The following DKK2 variants were observed in gnomAD, a reference collection of about 807,000 sequenced individuals.
DKK2 encodes dickkopf-related protein 2.
Under a neutral mutation model 28.1 loss-of-function variants are expected in DKK2, and 11 were observed. That is an observed-to-expected ratio of 0.39 (90% CI 0.25 to 0.65). The LOEUF (loss-of-function observed/expected upper bound fraction) is 0.65, where lower values mean the gene tolerates loss of function less well. DKK2 is among the 30% of genes least tolerant of loss of function. DKK2 has a pLI of 0.47. For synonymous variants in DKK2, 135 were observed against 126.5 expected (o/e 1.07, Z -0.45); for missense variants, 326 against 335.5 (o/e 0.97, Z 0.22).
rs576752506 is a variant in DKK2, at chr4:106,936,382, T to C, written c.223-10433A>G. 4.4e-3 allele frequency among the ~76,000 whole-genome samples: 673 copies of C among 151,902 alleles called. 5 individuals carry two copies. Among genetic ancestry groups the C allele is most frequent in the African/African-American group, 0.016 (649 of 41,404 alleles). ...AAGGTATCAGCGATGGAAGATGAAA[T>C]GAATGAAATGAAGCAAGAAGGGAAG... On this transcript the variant is annotated intron_variant, in intron 1 of 3. Coordinates refer to ENST00000285311, the MANE Select transcript of DKK2 (RefSeq NM_014421.3).
At chr4:107,021,898 G>A (rs1452935648) in intron 1 of DKK2, among the ~76,000 whole-genome samples, 1 of 152,030 alleles carries the variant, frequency 6.6e-6, no homozygotes, top group African/African-American at 2.4e-5. Flanking sequence ...CTACAAGTCA[G>A]CCTGACTGTC....
Position 106,971,491 on chromosome 4 carries a change from G to A in DKK2, c.223-45542C>T, listed in dbSNP as rs1722867827. Reference sequence around the variant, plus strand: ...TGTCTCTAAGATCATCTAAACCAAAGACATGTACACAACTACCTATAATGT... The same window carrying A: ...TGTCTCTAAGATCATCTAAACCAAAAACATGTACACAACTACCTATAATGT... On this transcript the variant is annotated intron_variant, in intron 1 of 3. Transcript: ENST00000285311. Among the ~76,000 whole-genome samples the A allele has an allele frequency of 2.0e-5, 3 of 152,026 alleles. No individual in the cohort carries two copies. The South Asian group carries it at 6.2e-4, about 32-fold the overall frequency.
intron 1 of DKK2, among the ~76,000 whole-genome samples, chr4:107,019,817 T>C (rs571258975): frequency 6.6e-6 from 1 of 152,072 alleles, no homozygotes; most frequent in Non-Finnish European, 1.5e-5. Flanking sequence ...CTATAATGTT[T>C]GCTATTGAAA....
At chr4:106,950,545 C>T (rs933852634) in intron 1 of DKK2, among the ~76,000 whole-genome samples, 7 of 152,018 alleles carry the variant, frequency 4.6e-5, no homozygotes, top group African/African-American at 1.7e-4. Flanking sequence ...ACCCAAGCCC[C>T]TTCTTTCTGC....
rs2110247229 is a variant in DKK2 at position 107,035,654 on chromosome 4, G to A, written c.-63C>T. The A allele has an allele frequency of 6.3e-7, 1 of 1,580,422 alleles. No homozygotes were observed. Among genetic ancestry groups the A allele is most frequent in the East Asian group, 2.2e-5 (1 of 44,614 alleles). On this transcript the variant is annotated 5_prime_UTR_variant, in exon 1 of 4. Coordinates refer to ENST00000285311, the MANE Select transcript of DKK2 (RefSeq NM_014421.3). Reference sequence around the variant, plus strand: ...GGAGGGGTGGGAATGCAAAGGGAGGGAGGACCCCAACACGGGGCCCCTCAC... The same window carrying A: ...GGAGGGGTGGGAATGCAAAGGGAGGAAGGACCCCAACACGGGGCCCCTCAC...
chr4:106,923,982 G>A lies in DKK2; in HGVS notation c.752C>T (p.Ala251Val). 1.2e-6 allele frequency: 2 copies of A among 1,613,906 alleles called. No individual in the cohort carries two copies. The highest frequency in any genetic ancestry group is 1.7e-6 in the Non-Finnish European group (2 of 1,179,872). The change falls in exon 4 of 4, where the codon GCC (alanine) becomes GTC (valine). Residue 251 changes from alanine (A) to valine (V), a missense_variant. By Grantham distance (64) the Ala-to-Val change is moderately conservative. Transcript: ENST00000285311. Reference protein sequence around the residue: ...VWKDATYSSKARLHVCQKI With the variant: ...VWKDATYSSKVRLHVCQKI ...AATTTTCTGACACACATGGAGTCTG[G>A]CTTTGGAGGAGTAGGTGGCATCTTT...
At chr4:107,018,566 C>G (rs766217613) in intron 1 of DKK2, among the ~76,000 whole-genome samples, 14 of 152,148 alleles carry the variant, frequency 9.2e-5, no homozygotes, top group Non-Finnish European at 2.1e-4. Context: ...CAGCCGTTGG[C>G]TTTTCATTCT....
chr4:107,023,122 G>A (rs775549830), intron 1 of DKK2, among the ~76,000 whole-genome samples: 1 of 151,942 alleles, frequency 6.6e-6, no homozygotes, highest in Non-Finnish European at 1.5e-5. Context: ...TGCCACAATA[G>A]TCTCCCTCTT....
At chr4:106,969,914 C>A (rs1394725319) in intron 1 of DKK2, among the ~76,000 whole-genome samples, 1 of 152,056 alleles carries the variant, frequency 6.6e-6, no homozygotes, top group African/African-American at 2.4e-5. Context: ...ACCTGGAGAA[C>A]TACAGACCTG....
At chr4:106,940,972 G>A (rs538911933) in intron 1 of DKK2, among the ~76,000 whole-genome samples, 1 of 152,006 alleles carries the variant, frequency 6.6e-6, no homozygotes, top group Non-Finnish European at 1.5e-5. Flanking sequence ...GTGGGGTGAG[G>A]GGGGAGGGAT....
At chr4:107,032,459 A>T (rs1046651841) in intron 1 of DKK2, among the ~76,000 whole-genome samples, 1 of 152,118 alleles carries the variant, frequency 6.6e-6, no homozygotes, top group Non-Finnish European at 1.5e-5. Flanking sequence ...GGCAACTTTC[A>T]ATAAAACTAT....
At chr4:107,002,151 C>T (rs1406583960) in intron 1 of DKK2, among the ~76,000 whole-genome samples, 1 of 152,174 alleles carries the variant, frequency 6.6e-6, no homozygotes, top group African/African-American at 2.4e-5. Flanking sequence ...TCAAAACCAT[C>T]TGTTAGGGAA....
At chr4:106,957,924 T>C (rs1722621370) in intron 1 of DKK2, among the ~76,000 whole-genome samples, 1 of 150,342 alleles carries the variant, frequency 6.7e-6, no homozygotes, top group South Asian at 2.1e-4. Context: ...ATTAATTAAT[T>C]AATTAATTAA....
intron 1 of DKK2, among the ~76,000 whole-genome samples, chr4:106,939,292 A>G (rs1724652704): frequency 6.6e-6 from 1 of 152,224 alleles, no homozygotes; most frequent in South Asian, 2.1e-4. Context: ...ATGTACAAAA[A>G]TCACAAGCAT....
At chr4:106,957,466 T>C (rs1229038411) in intron 1 of DKK2, among the ~76,000 whole-genome samples, 1 of 151,888 alleles carries the variant, frequency 6.6e-6, no homozygotes, top group African/African-American at 2.4e-5. Flanking sequence ...ATGTTTATTG[T>C]AGCACTATTC....
In DKK2 at chr4:107,022,461, G is replaced by A. The variant is rs907429890; in HGVS notation, c.222+12909C>T. ...GATAGCCTGGCACAGTGATTAAGTA[G>A]GTTAAGTATACAGACTTAAGTAAGA... On this transcript the variant is annotated intron_variant, in intron 1 of 3. Coordinates refer to ENST00000285311, the MANE Select transcript of DKK2 (RefSeq NM_014421.3). Among the ~76,000 whole-genome samples, 5 of 152,118 alleles carry A rather than the reference G, an allele frequency of 3.3e-5. No homozygotes were observed. The South Asian group carries it at 1.0e-3, about 31-fold the overall frequency.
At chr4:106,940,314 G>A (rs62314185) in intron 1 of DKK2, among the ~76,000 whole-genome samples, 5 of 152,022 alleles carry the variant, frequency 3.3e-5, no homozygotes, top group Non-Finnish European at 4.4e-5. Flanking sequence ...GAACAGACAC[G>A]TCTCAAAAGA....
intron 1 of DKK2, among the ~76,000 whole-genome samples, chr4:106,954,273 T>C (rs1169434222): frequency 6.6e-6 from 1 of 152,194 alleles, no homozygotes. Context: ...GCATATGAAC[T>C]TCAAAGTTTT....
At chr4:107,017,972 A>G (rs373516649) in intron 1 of DKK2, among the ~76,000 whole-genome samples, 2 of 152,094 alleles carry the variant, frequency 1.3e-5, no homozygotes, top group Admixed American at 1.3e-4. Context: ...TTTCCCACCA[A>G]GGGATGTTTC....
Sources: allele counts gnomAD v4.1 joint callset (sites outside exome capture counted in the v4.1 genomes callset), GRCh38; gene constraint gnomAD v4.1.1; transcripts MANE v1.5; gene names NCBI Gene and HGNC (gene_info 2026-07-23, HGNC 2026-07-21).